Variants in DPP7 observed in about 807,000 individuals in gnomAD.
DPP7 encodes the protein dipeptidyl peptidase 7, also known as dipeptidyl peptidase 2.
A neutral mutation model predicts 58.8 loss-of-function variants in DPP7; 74 were observed. The ratio of observed to expected loss-of-function variants is 1.26; its 90% confidence interval spans 1.04 to 1.53. The LOEUF (loss-of-function observed/expected upper bound fraction) is 1.53. DPP7 is among the 40% of genes most tolerant of loss of function. The pLI is 0.00. For missense variants in DPP7, 807 were observed against 692.3 expected, an observed-to-expected ratio of 1.17 and a Z score of -1.86; for synonymous variants, 350 against 303.6, an observed-to-expected ratio of 1.15 and a Z score of -1.59.
chr9:137,115,620 C>T (rs571018878), upstream of DPP7, among the ~76,000 whole-genome samples: 1 of 152,254 alleles, frequency 6.6e-6, no homozygotes, highest in African/African-American at 2.4e-5. Flanking sequence ...CCTGCCCTGC[C>T]CATCCTGTGT....
chr9:137,110,728 T>A lies in DPP7; in HGVS notation c.1399A>T (p.Thr467Ser). 6.2e-7 allele frequency: 1 copy of A among 1,607,580 alleles called. No homozygotes were observed. Among genetic ancestry groups the A allele is most frequent in the Non-Finnish European group, 8.5e-7 (1 of 1,179,888 alleles). The change falls in exon 13 of 13, where the codon ACC (threonine) becomes TCC (serine). Residue 467 changes from threonine to serine, a missense_variant. By Grantham distance (58) the Thr-to-Ser change is moderately conservative. This residue lies in a region of DPP7 where 624 missense variants were observed against 531.2 expected (regional missense o/e 1.17). Coordinates refer to ENST00000371579, the MANE Select transcript of DPP7 (RefSeq NM_013379.3). ...GCCTTTACCCACTCGCCGATGATGG[T>A]GGCCTCCAGCTTCCGCGCCTCAACC... ...SVVEARKLEA[T>S]IIGEWVKAAR...
At position 137,112,211 on chromosome 9, in the gene DPP7, C is replaced by T. The variant is rs148410038; in HGVS notation, c.951G>A (p.Ser317=). The T allele has an allele frequency of 4.2e-5, 68 of 1,601,652 alleles. No homozygotes were observed. Among genetic ancestry groups the T allele is most frequent in the African/African-American group, 5.3e-5 (4 of 74,860 alleles). The change falls in exon 9 of 13, where the codon TCG becomes TCA. Residue 317 remains serine (S), a synonymous_variant. Coordinates refer to ENST00000371579, the MANE Select transcript of DPP7 (RefSeq NM_013379.3). The part of the protein sequence containing the change: ...RALAGLVYNA[S]GSEHCYDIYR... Reference sequence around the variant, plus strand: ...AGATGTCGTAGCAGTGCTCGGAGCCCGAGGCGTTGTAGACCAGCCCTGGGG... The same window carrying T: ...AGATGTCGTAGCAGTGCTCGGAGCCTGAGGCGTTGTAGACCAGCCCTGGGG...
upstream of DPP7, among the ~76,000 whole-genome samples, chr9:137,116,350 T>A (rs1028999790): frequency 6.6e-6 from 1 of 152,246 alleles, no homozygotes; most frequent in Non-Finnish European, 1.5e-5. Context: ...GTTTAAGGCA[T>A]CTAGGCCTGT....
chr9:137,110,671 C>T lies in DPP7; in HGVS notation c.1456G>A (p.Gly486Arg), dbSNP rs149442204. The change falls in exon 13 of 13, where the codon GGG (glycine) becomes AGG (arginine). Residue 486 changes from glycine (G) to arginine (R), a missense_variant. Around this residue, in one of 3 missense-constraint regions of DPP7, gnomAD observed 624 missense variants for 531.2 expected, o/e 1.17. Coordinates refer to ENST00000371579, the MANE Select transcript of DPP7 (RefSeq NM_013379.3). The part of the protein sequence containing the change: ...ARREQQPALR[G>R]GPRLSL Reference sequence around the variant, plus strand: ...GCTCAGAGGCTGAGTCTGGGCCCCCCACGCAGAGCTGGCTGCTGCTCACGC... The same window carrying T: ...GCTCAGAGGCTGAGTCTGGGCCCCCTACGCAGAGCTGGCTGCTGCTCACGC... 9.3e-6 allele frequency: 15 copies of T among 1,609,870 alleles called. No homozygotes were observed. In the African/African-American group the frequency reaches 1.7e-4, roughly 19 times the overall value.
upstream of DPP7, among the ~76,000 whole-genome samples, chr9:137,116,930 C>G (rs895683082): frequency 6.6e-6 from 1 of 152,252 alleles, no homozygotes; most frequent in Non-Finnish European, 1.5e-5. Flanking sequence ...CCTACGTGCA[C>G]ATCCGGGCAC....
chr9:137,112,439 C>CG, intron 8 of DPP7: 1 of 626,532 alleles, frequency 1.6e-6, no homozygotes. Context: ...GAGGGCCCCC[C>CG]CGCTCTCCAC....
intron 4 of DPP7, 39 bp downstream of exon 4, chr9:137,113,826 G>A (rs1477305989): frequency 6.9e-7 from 1 of 1,447,192 alleles, no homozygotes; most frequent in Non-Finnish European, 9.2e-7. Context: ...GGTCGGGGCA[G>A]GGGAGGGAGG....
At chr9:137,118,151 C>G (rs1396382274), upstream of DPP7, among the ~76,000 whole-genome samples, 1 of 151,968 alleles carries the variant, frequency 6.6e-6, no homozygotes, top group Non-Finnish European at 1.5e-5. Flanking sequence ...CCACGCCTGG[C>G]TAAATTTTGC....
Position 137,114,580 on chromosome 9 carries a change from T to TGG in DPP7, c.68-6_68-5dup. 2 of 1,515,222 alleles carry TGG rather than the reference T, an allele frequency of 1.3e-6. No homozygotes were observed. Among genetic ancestry groups the TGG allele is most frequent in the Non-Finnish European group, 1.8e-6 (2 of 1,131,604 alleles). 93.9% of individuals were successfully genotyped at this position (1,515,222 alleles called of 1,614,324 possible). On this transcript the variant is annotated splice_region_variant and splice_polypyrimidine_tract_variant and intron_variant, in intron 1 of 12. Transcript: ENST00000371579. ...CCGGGGTCCGGGGCCCTGCGGGCTGTGGGGGGACGCGAACCTCAGAGGCGG... is the reference window on the plus strand; with the variant it reads ...CCGGGGTCCGGGGCCCTGCGGGCTGTGGGGGGGGACGCGAACCTCAGAGGCGG...
At position 137,113,192 on chromosome 9, in the gene DPP7, T is replaced by TG. The variant is rs1564323416; in HGVS notation, c.703+13dup. The TG allele has an allele frequency of 6.2e-7, 1 of 1,613,330 alleles. No individual in the cohort carries two copies. Among genetic ancestry groups the TG allele is most frequent in the Admixed American group, 1.7e-5 (1 of 60,014 alleles). ...GGGCGGGTCAGGCAGTGGGAGGCGG[T>TG]GGGAGGACCTCACCTCCCTGTAGGA... On this transcript the variant is annotated intron_variant, in intron 6 of 12. Coordinates refer to ENST00000371579, the MANE Select transcript of DPP7 (RefSeq NM_013379.3).
chr9:137,114,807 G>A (rs963955700), upstream of DPP7: 1 of 895,126 alleles, frequency 1.1e-6, no homozygotes, highest in South Asian at 5.5e-5. Flanking sequence ...GGGCGCCCGC[G>A]GTCCCCACGG....
upstream of DPP7, among the ~76,000 whole-genome samples, chr9:137,116,180 G>A (rs1042698276): frequency 2.0e-4 from 15 of 74,060 alleles, no homozygotes; most frequent in Admixed American, 5.9e-4. Flanking sequence ...TCTTGTCCAC[G>A]GCCCAGGCAT....
chr9:137,112,194 T>C lies in DPP7; in HGVS notation c.968A>G (p.Tyr323Cys), dbSNP rs1564321633. ...VYNASGSEHC[Y>C]DIYRLYHSCA... ...GCTGTGGTAGAGCCGGTAGATGTCG[T>C]AGCAGTGCTCGGAGCCCGAGGCGTT... The change falls in exon 9 of 13, where the codon TAC becomes TGC. Residue 323 changes from tyrosine (Y) to cysteine (C), a missense_variant. Around this residue, in one of 3 missense-constraint regions of DPP7, gnomAD observed 624 missense variants for 531.2 expected, o/e 1.17. Transcript: ENST00000371579. 2 of 1,605,628 alleles carry C rather than the reference T, an allele frequency of 1.2e-6. No individual in the cohort carries two copies. Among genetic ancestry groups the C allele is most frequent in the South Asian group, 2.2e-5 (2 of 91,012 alleles).
chr9:137,113,717 T>A, intron 4 of DPP7, 148 bp downstream of exon 4: 2 of 1,415,976 alleles, frequency 1.4e-6, no homozygotes, highest in Non-Finnish European at 1.8e-6. Flanking sequence ...GAGGGCTTCC[T>A]GGGGGAGGCA....
chr9:137,114,435 G>T, intron 2 of DPP7, 28 bp downstream of exon 2: 1 of 1,559,904 alleles, frequency 6.4e-7, no homozygotes, highest in South Asian at 1.2e-5. Context: ...GGACGGCGGG[G>T]GCGGCCGGGC....
chr9:137,111,731 T>A lies in DPP7; in HGVS notation c.1231A>T (p.Ile411Phe), dbSNP rs753254520. Residue 411 changes from isoleucine to phenylalanine, a missense_variant, in exon 11 of 13, where the codon ATC (isoleucine) becomes TTC (phenylalanine). This residue lies in a region of DPP7 where 624 missense variants were observed against 531.2 expected (regional missense o/e 1.17). Transcript: ENST00000371579. ...GGDLRAASNI[I>F]FSNGNLDPWA... ...GGGTCCAGGTTCCCGTTGGAGAAGA[T>A]GATGTTGCTGGCGGCTCTGAGATCT... 18 of 1,613,354 alleles carry A rather than the reference T, an allele frequency of 1.1e-5. No homozygotes were observed. The Admixed American group carries it at 2.8e-4, about 25-fold the overall frequency.
At chr9:137,115,969 T>C (rs1057336212), upstream of DPP7, among the ~76,000 whole-genome samples, 1 of 152,160 alleles carries the variant, frequency 6.6e-6, no homozygotes, top group South Asian at 2.1e-4. Flanking sequence ...TTTGGCTCCC[T>C]CGGGTGCCTT....
At chr9:137,115,706 C>G (rs979998188), upstream of DPP7, among the ~76,000 whole-genome samples, 3 of 152,068 alleles carry the variant, frequency 2.0e-5, no homozygotes, top group African/African-American at 7.2e-5. Context: ...ACAGAGGCAC[C>G]CCCCATGGTG....
intron 3 of DPP7, 41 bp downstream of exon 3, chr9:137,114,202 C>T: frequency 1.0e-6 from 1 of 961,120 alleles, no homozygotes; most frequent in Non-Finnish European, 1.3e-6. Context: ...CCGGCACCCA[C>T]GTGCCCCGCG....
Sources: allele counts gnomAD v4.1 joint callset (sites outside exome capture counted in the v4.1 genomes callset), GRCh38; gene constraint gnomAD v4.1.1; regional missense constraint gnomAD v4.1.1; transcripts MANE v1.5; gene names NCBI Gene and HGNC (gene_info 2026-07-23, HGNC 2026-07-21).